CACNA1H: variants seen among roughly 807,000 people sequenced by gnomAD.
CACNA1H encodes calcium voltage-gated channel subunit alpha1 H.
A neutral mutation model predicts 192.5 loss-of-function variants in CACNA1H; 149 were observed. The observed-to-expected ratio is 0.77, with a 90% CI of 0.68 to 0.89. The LOEUF is 0.89. Among genes scored for constraint, CACNA1H ranks in the 40% least tolerant of loss-of-function variants. The pLI, the probability that CACNA1H is intolerant of heterozygous loss-of-function variation, is 0.00. For synonymous variants in CACNA1H, 2,202 were observed against 1,475.2 expected (o/e 1.49, Z -11.29); for missense variants, 4,257 against 3,423.5 (o/e 1.24, Z -6.08).
chr16:1,214,021 C>G, intron 27 of CACNA1H, 90 bp downstream of exon 27: 1 of 1,127,818 alleles, frequency 8.9e-7, no homozygotes, highest in Non-Finnish European at 1.3e-6. Flanking sequence ...GACCGGCGCT[C>G]CGCTGAGCCC....
intron 30 of CACNA1H, 74 bp downstream of exon 30, chr16:1,215,667 C>G (rs190617563): frequency 1.7e-6 from 2 of 1,187,024 alleles, no homozygotes; most frequent in Admixed American, 1.9e-5. Context: ...CGCCGTCCCC[C>G]TCTCCCCCTC....
chr16:1,167,167 C>T lies in CACNA1H; in HGVS notation c.299+13131C>T, dbSNP rs981003324. Among the ~76,000 whole-genome samples, 10 of 152,200 alleles carry T rather than the reference C, an allele frequency of 6.6e-5. No individual in the cohort carries two copies. The highest frequency in any genetic ancestry group is 5.9e-4 in the Admixed American group (9 of 15,288). Reference sequence around the variant, plus strand: ...CCTCGCCGACCCTTTGGGGCGTCTCCCATCGGGAAATGGCAGCCCCTGACC... The same window carrying T: ...CCTCGCCGACCCTTTGGGGCGTCTCTCATCGGGAAATGGCAGCCCCTGACC... On this transcript the variant is annotated intron_variant, in intron 2 of 34. Transcript: ENST00000348261. The surrounding 1 kb of genome is among the most constrained non-coding windows in gnomAD (Gnocchi z 4.2).
intron 7 of CACNA1H, 53 bp from the exon 8 acceptor site, chr16:1,200,663 G>A (rs979970008): frequency 6.3e-6 from 10 of 1,577,500 alleles, no homozygotes; most frequent in Admixed American, 3.5e-5. Context: ...CCAGGGGCAC[G>A]GGGAGGAGGA....
At position 1,221,185 on chromosome 16, in the gene CACNA1H, C is replaced by T. The variant is rs1258095675; in HGVS notation, c.*191C>T. The stretch of plus-strand genomic sequence containing the variant: ...GGAGTAGCTGCCGGGCCCCACGAGC[C>T]TCCGTCCGTTCTGGTTCGGGTTTCT... On this transcript the variant is annotated 3_prime_UTR_variant, in exon 35 of 35. Coordinates refer to ENST00000348261, the MANE Select transcript of CACNA1H (RefSeq NM_021098.3). 5.3e-5 allele frequency: 29 copies of T among 547,526 alleles called. No homozygotes were observed. Among genetic ancestry groups the T allele is most frequent in the Middle Eastern group, 4.7e-4 (1 of 2,126 alleles). 33.9% of individuals were successfully genotyped at this position (547,526 alleles called of 1,614,324 possible).
intron 8 of CACNA1H, among the ~76,000 whole-genome samples, chr16:1,201,239 C>G (rs980917987): frequency 6.6e-6 from 1 of 152,156 alleles, no homozygotes; most frequent in Non-Finnish European, 1.5e-5. Flanking sequence ...GTAACAGAAG[C>G]AGACAGACGT....
At chr16:1,191,515 T>C (rs1737405) in intron 2 of CACNA1H, among the ~76,000 whole-genome samples, 14 of 43,176 alleles carry the variant, frequency 3.2e-4, no homozygotes, top group East Asian at 6.3e-4. Flanking sequence ...TCTGACCCAG[T>C]AGGCTGGCCT....
At chr16:1,170,026 G>A (rs974559201) in intron 2 of CACNA1H, among the ~76,000 whole-genome samples, 6 of 152,212 alleles carry the variant, frequency 3.9e-5, no homozygotes, top group Admixed American at 6.5e-5. Flanking sequence ...CTCAAGTCCC[G>A]GTGGGAAGAG....
At position 1,187,372 on chromosome 16, in the gene CACNA1H, C is replaced by T. The variant is rs552067694; in HGVS notation, c.300-7600C>T. ...GAGTCCTGGTTGCCTGTGACCTCAG[C>T]TGCAGTCTGTGCCCTGCAAGGCATG... On this transcript the variant is annotated intron_variant, in intron 2 of 34. Coordinates refer to ENST00000348261, the MANE Select transcript of CACNA1H (RefSeq NM_021098.3). Among the ~76,000 whole-genome samples, 19 of 152,344 alleles carry T rather than the reference C, an allele frequency of 1.2e-4. No homozygotes were observed. In the South Asian group the frequency reaches 3.9e-3, roughly 32 times the overall value.
At chr16:1,172,029 G>A (rs1412123889) in intron 2 of CACNA1H, among the ~76,000 whole-genome samples, 5 of 152,230 alleles carry the variant, frequency 3.3e-5, no homozygotes, top group African/African-American at 7.2e-5. Context: ...CGAGTGGGTC[G>A]GCTCAAGGTC....
chr16:1,200,094 C>T (rs371306236), intron 6 of CACNA1H, among the ~76,000 whole-genome samples, 162 bp from the exon 7 acceptor site: 41 of 152,212 alleles, frequency 2.7e-4, no homozygotes, highest in Middle Eastern at 3.4e-3. Context: ...CCTATCATGC[C>T]CCCTGACCCT....
Position 1,218,518 on chromosome 16 carries a change from G to A in CACNA1H, c.5754G>A (p.Lys1918=), listed in dbSNP as rs764500957. The change falls in exon 33 of 35, where the codon AAG becomes AAA. Residue 1918 remains lysine (K), a synonymous_variant. Coordinates refer to ENST00000348261, the MANE Select transcript of CACNA1H (RefSeq NM_021098.3). ...ACGCCCCAAACCTGGTTGCACGCAA[G>A]GTGTCCGTGTCCAGGATGCTCTCGC... ...ARDAPNLVAR[K]VSVSRMLSLP... 1.0e-5 allele frequency: 16 copies of A among 1,554,254 alleles called. No individual in the cohort carries two copies. The Admixed American group carries it at 1.7e-4, about 17-fold the overall frequency.
rs771782530 is a variant in CACNA1H, at chr16:1,200,427, G to A, written c.975G>A (p.Pro325=). The change falls in exon 7 of 35, where the codon CCG becomes CCA. Residue 325 remains proline, a synonymous_variant. Coordinates refer to ENST00000348261, the MANE Select transcript of CACNA1H (RefSeq NM_021098.3). The stretch of plus-strand genomic sequence containing the variant: ...TGGGCTGGGAGGCCTACACGCAGCC[G>A]CAGGCCGAGGGGGTGGGCGCTGCAC... The part of the protein sequence containing the change: ...CTLGWEAYTQ[P]QAEGVGAARN... The A allele has an allele frequency of 2.0e-5, 32 of 1,609,548 alleles. No homozygotes were observed. Among genetic ancestry groups the A allele is most frequent in the South Asian group, 5.5e-5 (5 of 90,982 alleles).
chr16:1,201,872 C>T lies in CACNA1H; in HGVS notation c.1422C>T (p.Arg474=). The change falls in exon 9 of 35, where the codon CGC becomes CGT. Residue 474 remains arginine, a synonymous_variant. Coordinates refer to ENST00000348261, the MANE Select transcript of CACNA1H (RefSeq NM_021098.3). Reference sequence around the variant, plus strand: ...ACATATTCCGCAAGGTCAAGCGGCGCAGCTTGCGCCTCTACGCCCGCTGGC... The same window carrying T: ...ACATATTCCGCAAGGTCAAGCGGCGTAGCTTGCGCCTCTACGCCCGCTGGC... ...VGHIFRKVKR[R]SLRLYARWQS... is the part of the protein sequence containing the mutation. 4 of 1,555,244 alleles carry T rather than the reference C, an allele frequency of 2.6e-6. No homozygotes were observed. The highest frequency in any genetic ancestry group is 2.6e-6 in the Non-Finnish European group (3 of 1,149,988).
chr16:1,158,666 G>A (rs987611873), intron 2 of CACNA1H, among the ~76,000 whole-genome samples: 2 of 152,184 alleles, frequency 1.3e-5, no homozygotes, highest in Non-Finnish European at 2.9e-5. Flanking sequence ...AGAGCAGGCC[G>A]GGCCCTGGCA....
rs879842927 is a variant in CACNA1H, at chr16:1,200,629, G to T, written c.1119+58G>T. 10 of 1,596,354 alleles carry T rather than the reference G, an allele frequency of 6.3e-6. No individual in the cohort carries two copies. In the East Asian group the frequency reaches 1.6e-4, roughly 25 times the overall value. On this transcript the variant is annotated intron_variant, in intron 7 of 34. Transcript: ENST00000348261. ...GGGCACGGCAGGGGAGCGGGTGCAG[G>T]ACTCGCCCCCCCCAGCCCAGACCCC...
intron 18 of CACNA1H, 31 bp downstream of exon 18, chr16:1,210,166 C>G: frequency 1.3e-6 from 2 of 1,515,612 alleles, no homozygotes; most frequent in Non-Finnish European, 9.0e-7. Flanking sequence ...GGCTGCATGG[C>G]TAGTTCCACC....
intron 27 of CACNA1H, 62 bp downstream of exon 27, chr16:1,213,993 A>T: frequency 7.1e-7 from 1 of 1,401,660 alleles, no homozygotes; most frequent in Non-Finnish European, 9.9e-7. Context: ...GGCAGCCAAC[A>T]CAGTGGGCAC....
intron 2 of CACNA1H, among the ~76,000 whole-genome samples, chr16:1,185,542 G>GATGC (rs1418011765): frequency 1.2e-4 from 14 of 121,374 alleles, no homozygotes; most frequent in African/African-American, 4.0e-4. Flanking sequence ...GAACCCTGGA[G>GATGC]ATGCTCAGAA....
intron 9 of CACNA1H, 76 bp from the exon 10 acceptor site, chr16:1,203,934 C>T: frequency 9.0e-7 from 1 of 1,107,284 alleles, no homozygotes; most frequent in South Asian, 1.6e-5. Flanking sequence ...CCCACCGCTC[C>T]TGTGTGTGAG....
Sources: allele counts gnomAD v4.1 joint callset (sites outside exome capture counted in the v4.1 genomes callset), GRCh38; gene constraint gnomAD v4.1.1; non-coding constraint Gnocchi (gnomAD v3.1); transcripts MANE v1.5; gene names NCBI Gene and HGNC (gene_info 2026-07-23, HGNC 2026-07-21).